Variants in GALNT5 observed in about 807,000 individuals in gnomAD.
GALNT5 encodes the protein polypeptide N-acetylgalactosaminyltransferase 5, also known as UDP-GalNAc:polypeptide N-acetylgalactosaminyltransferase 5.
Under a neutral mutation model 85.4 loss-of-function variants are expected in GALNT5, and 72 were observed. The ratio of observed to expected loss-of-function variants is 0.84; its 90% confidence interval spans 0.70 to 1.03. The LOEUF is 1.03. Ranked by LOEUF, GALNT5 falls within the 50% of genes least tolerant of loss-of-function variation. The pLI, the probability that GALNT5 is intolerant of heterozygous loss-of-function variation, is 0.00. For missense variants in GALNT5, 1,137 were observed against 1,135.5 expected, an observed-to-expected ratio of 1.00 and a Z score of -0.02; for synonymous variants, 404 against 397.0, an observed-to-expected ratio of 1.02 and a Z score of -0.21.
intron 3 of GALNT5, among the ~76,000 whole-genome samples, chr2:157,292,281 C>T (rs1683117635): frequency 6.6e-6 from 1 of 152,222 alleles, no homozygotes; most frequent in Admixed American, 6.5e-5. Context: ...TGTCCATAGA[C>T]AATAACCACG....
intron 2 of GALNT5, among the ~76,000 whole-genome samples, chr2:157,285,580 T>G (rs539267659): frequency 1.3e-5 from 2 of 152,158 alleles, no homozygotes; most frequent in Non-Finnish European, 2.9e-5. Flanking sequence ...TGGAAGGGGA[T>G]GTCAGAGTAG....
Position 157,305,780 on chromosome 2 carries a change from C to A in GALNT5, c.2471C>A (p.Ser824Tyr). ...AATGTGGCTTTGGGTAAATGCATTT[C>A]CATTGAAAACACTACAGTCATTCTG... is the stretch of plus-strand genomic sequence containing the variant. ...LINVALGKCI[S>Y]IENTTVILED... is the part of the protein sequence containing the mutation. Residue 824 changes from serine to tyrosine, a missense_variant, in exon 8 of 10, where the codon TCC becomes TAC. Coordinates refer to ENST00000259056, the MANE Select transcript of GALNT5 (RefSeq NM_014568.3). 1 of 1,608,470 alleles carries A rather than the reference C, an allele frequency of 6.2e-7. No individual in the cohort carries two copies.
intron 1 of GALNT5, among the ~76,000 whole-genome samples, chr2:157,267,602 C>A (rs1222421567): frequency 6.6e-6 from 1 of 152,200 alleles, no homozygotes; most frequent in Non-Finnish European, 1.5e-5. Context: ...TGCCACATCA[C>A]ACCACCTCCT....
chr2:157,303,506 T>A (rs1387038879), intron 7 of GALNT5, among the ~76,000 whole-genome samples: 2 of 152,174 alleles, frequency 1.3e-5, no homozygotes, highest in South Asian at 2.1e-4. Flanking sequence ...CTATTTTTTT[T>A]AAAGATTAAA....
At chr2:157,308,425 T>G (rs1355224113) in intron 8 of GALNT5, 142 bp from the exon 9 acceptor site, 2 of 658,394 alleles carry the variant, frequency 3.0e-6, no homozygotes, top group Admixed American at 5.4e-5. Context: ...CTATCAGAAT[T>G]ACAAATGATA....
chr2:157,306,506 C>T (rs1031622816), intron 8 of GALNT5, among the ~76,000 whole-genome samples: 2 of 152,158 alleles, frequency 1.3e-5, no homozygotes, highest in Non-Finnish European at 2.9e-5. Context: ...TGGAGGTGAG[C>T]TCTGAGTGAT....
chr2:157,258,316 A>C lies in GALNT5; in HGVS notation c.234A>C (p.Leu78=). 1.9e-6 allele frequency: 3 copies of C among 1,598,284 alleles called. No homozygotes were observed. The highest frequency in any genetic ancestry group is 2.6e-6 in the Non-Finnish European group (3 of 1,174,132). Residue 78 remains leucine (L), a synonymous_variant, in exon 1 of 10, where the codon CTA becomes CTC. Transcript: ENST00000259056. ...YSSIKEMKPP[L]RGHGKGAWGK... ...GCATAAAAGAGATGAAACCTCCCCT[A>C]AGGGGACATGGGAAAGGGGCATGGG...
chr2:157,302,712 T>TG (rs1574033820), intron 7 of GALNT5: 1 of 152,332 alleles, frequency 6.6e-6, no homozygotes, highest in East Asian at 1.9e-4. Flanking sequence ...GCTCCGCTGT[T>TG]GCGCTAACCT....
chr2:157,282,487 C>T (rs1682877367), intron 1 of GALNT5, among the ~76,000 whole-genome samples: 1 of 152,114 alleles, frequency 6.6e-6, no homozygotes, highest in South Asian at 2.1e-4. Flanking sequence ...GATAAACAAC[C>T]ATCTAGGAAA....
At chr2:157,293,757 G>T (rs532909100) in intron 3 of GALNT5, among the ~76,000 whole-genome samples, 2 of 151,838 alleles carry the variant, frequency 1.3e-5, no homozygotes, top group African/African-American at 4.8e-5. Context: ...TCTATTAATT[G>T]AGAGGTAGTT....
At chr2:157,311,147 C>G in intron 9 of GALNT5, 61 bp from the exon 10 acceptor site, 3 of 1,276,254 alleles carry the variant, frequency 2.4e-6, no homozygotes, top group Non-Finnish European at 3.3e-6. Context: ...ATTTTCATTT[C>G]TTCATATTGC....
chr2:157,258,703 A>C lies in GALNT5; in HGVS notation c.621A>C (p.Thr207=). The change falls in exon 1 of 10, where the codon ACA becomes ACC. Residue 207 remains threonine, a synonymous_variant. Coordinates refer to ENST00000259056, the MANE Select transcript of GALNT5 (RefSeq NM_014568.3). The part of the protein sequence containing the change: ...PRKSHSPSSD[T]SKLAAERDLN... Reference sequence around the variant, plus strand: ...AGAGTCATAGTCCCAGCAGTGACACATCAAAACTAGCAGCTGAAAGGGACT... The same window carrying C: ...AGAGTCATAGTCCCAGCAGTGACACCTCAAAACTAGCAGCTGAAAGGGACT... The C allele has an allele frequency of 1.9e-6, 3 of 1,614,002 alleles. No individual in the cohort carries two copies. The highest frequency in any genetic ancestry group is 2.5e-6 in the Non-Finnish European group (3 of 1,180,012).
intron 5 of GALNT5, among the ~76,000 whole-genome samples, chr2:157,296,810 A>G (rs994474544): frequency 6.6e-6 from 1 of 152,248 alleles, no homozygotes; most frequent in African/African-American, 2.4e-5. Flanking sequence ...CTGCATACAT[A>G]CTATACAAAC....
intron 1 of GALNT5, among the ~76,000 whole-genome samples, chr2:157,274,159 A>G (rs567819165): frequency 6.6e-6 from 1 of 152,110 alleles, no homozygotes. Flanking sequence ...TGAACTCATC[A>G]TTTAGGGCTG....
Position 157,316,445 on chromosome 2 carries a change from G to T in GALNT5, c.*5097G>T, listed in dbSNP as rs1252942434. On this transcript the variant is annotated 3_prime_UTR_variant, in exon 10 of 10. Transcript: ENST00000259056. ...TCCCTCCAACCTTTAATCAAAGCTA[G>T]CAGATTGCTCATCTTGAACAGAAAT... Among the ~76,000 whole-genome samples, 1 of 151,490 alleles carries T rather than the reference G, an allele frequency of 6.6e-6. No individual in the cohort carries two copies. The highest frequency in any genetic ancestry group is 2.4e-5 in the African/African-American group (1 of 41,166).
At chr2:157,283,467 T>G (rs369833068) in intron 1 of GALNT5, among the ~76,000 whole-genome samples, 6 of 152,202 alleles carry the variant, frequency 3.9e-5, no homozygotes, top group Non-Finnish European at 8.8e-5. Context: ...TAACTCCCAC[T>G]GTAGCCTGGA....
Position 157,257,986 on chromosome 2 carries a change from TCTGCTGCTGCTGCTG to T in GALNT5, c.-85_-71del, listed in dbSNP as rs138788414. 1 of 1,319,844 alleles carries T rather than the reference TCTGCTGCTGCTGCTG, an allele frequency of 7.6e-7. No homozygotes were observed. The highest frequency in any genetic ancestry group is 1.1e-6 in the Non-Finnish European group (1 of 933,606). 81.8% of individuals were successfully genotyped at this position (1,319,844 alleles called of 1,614,324 possible). On this transcript the variant is annotated 5_prime_UTR_variant, in exon 1 of 10. Transcript: ENST00000259056. ...GGGGAGGGGGTCACTTTCTGGCAAC[TCTGCTGCTGCTGCTG>T]CTGCTGCTGCTACTTCAGCTTCCTC...
rs1683684507 is a variant in GALNT5 at position 157,315,611 on chromosome 2, G to A, written c.*4263G>A. Reference sequence around the variant, plus strand: ...CTCTGTGGTAACCAATTGATGTGTAGGTATAAACATGGCTACCCCCACATG... The same window carrying A: ...CTCTGTGGTAACCAATTGATGTGTAAGTATAAACATGGCTACCCCCACATG... On this transcript the variant is annotated 3_prime_UTR_variant, in exon 10 of 10. Coordinates refer to ENST00000259056, the MANE Select transcript of GALNT5 (RefSeq NM_014568.3). Among the ~76,000 whole-genome samples the A allele has an allele frequency of 6.6e-6, 1 of 152,014 alleles. No individual in the cohort carries two copies. Among genetic ancestry groups the A allele is most frequent in the African/African-American group, 2.4e-5 (1 of 41,390 alleles).
At position 157,284,276 on chromosome 2, in the gene GALNT5, G is replaced by A; in HGVS notation, c.1455-6G>A. On this transcript the variant is annotated splice_region_variant and splice_polypyrimidine_tract_variant and intron_variant, in intron 1 of 9. Transcript: ENST00000259056. Reference sequence around the variant, plus strand: ...TCTCTTGTGCTCTGCTTATATTCTGGCCCAGATGTGCAGAGCAGCTAGTTC... The same window carrying A: ...TCTCTTGTGCTCTGCTTATATTCTGACCCAGATGTGCAGAGCAGCTAGTTC... 1.2e-6 allele frequency: 2 copies of A among 1,612,718 alleles called. No homozygotes were observed. Among genetic ancestry groups the A allele is most frequent in the African/African-American group, 2.7e-5 (2 of 74,940 alleles).
Sources: gnomAD v4.1 joint callset for allele counts (sites outside exome capture counted in the v4.1 genomes callset) on GRCh38, gnomAD v4.1.1 for gene constraint, MANE v1.5 for transcripts, NCBI Gene and HGNC (gene_info 2026-07-23, HGNC 2026-07-21) for gene names.